The following PDCD6 variants were observed in gnomAD, a reference collection of about 807,000 sequenced individuals.
The protein encoded by PDCD6 is programmed cell death 6, also known as programmed cell death protein 6.
A neutral mutation model predicts 28.3 loss-of-function variants in PDCD6; 12 were observed. The observed-to-expected ratio is 0.42, with a 90% CI of 0.27 to 0.69. PDCD6 has a LOEUF of 0.69. Among genes scored for constraint, PDCD6 ranks in the 30% least tolerant of loss-of-function variants. The pLI, the probability that PDCD6 is intolerant of heterozygous loss-of-function variation, is 0.22. For synonymous variants in PDCD6, 92 were observed against 108.0 expected (o/e 0.85, Z 0.92); for missense variants, 226 against 269.9 (o/e 0.84, Z 1.14).
intron 2 of PDCD6, among the ~76,000 whole-genome samples, chr5:278,547 A>C (rs1187759414): frequency 3.1e-5 from 3 of 95,490 alleles, no homozygotes; most frequent in Non-Finnish European, 5.7e-5. Context: ...TGTCTCTCCC[A>C]AAAAAAAAAA....
At chr5:289,807 G>T in intron 2 of PDCD6, 1 of 1,199,920 alleles carries the variant, frequency 8.3e-7, no homozygotes, top group Non-Finnish European at 1.2e-6. Flanking sequence ...TGGTCTGGGT[G>T]TCCCAGGCCC....
At chr5:294,833 C>T (rs1171314186) in intron 2 of PDCD6, among the ~76,000 whole-genome samples, 1 of 152,170 alleles carries the variant, frequency 6.6e-6, no homozygotes, top group East Asian at 1.9e-4. Context: ...CGGATGCTTC[C>T]ACACAGGGGG....
chr5:271,997 A>G (rs565102770), intron 1 of PDCD6, among the ~76,000 whole-genome samples, 176 bp downstream of exon 1: 120 of 82,420 alleles, frequency 1.5e-3, no homozygotes, highest in Middle Eastern at 0.011. Context: ...CCCCTGCCCC[A>G]GCCGACGCGG....
At position 306,595 on chromosome 5, in the gene PDCD6, G is replaced by C. The variant is rs772143819; in HGVS notation, c.209-7G>C. On this transcript the variant is annotated splice_region_variant and splice_polypyrimidine_tract_variant and intron_variant, in intron 3 of 5. Transcript: ENST00000264933. ...TTTTGCTGCTTGACCGTTCCTCTCT[G>C]TCTCAGCCATGTTTGACCGTGAGAA... 1 of 1,612,952 alleles carries C rather than the reference G, an allele frequency of 6.2e-7. No homozygotes were observed. The highest frequency in any genetic ancestry group is 8.5e-7 in the Non-Finnish European group (1 of 1,179,412).
In PDCD6 at chr5:304,036, G is replaced by A. The variant is rs547189168; in HGVS notation, c.164-141G>A. ...CCCCCTCCCAGGAGTCATGGCAGCC[G>A]ACACGTCACCTGGAGTGTCTAGAAA... On this transcript the variant is annotated intron_variant, in intron 2 of 5. Coordinates refer to ENST00000264933, the MANE Select transcript of PDCD6 (RefSeq NM_013232.4). 9.1e-5 allele frequency: 105 copies of A among 1,149,234 alleles called. 1 individual carries two copies. Among genetic ancestry groups the A allele is most frequent in the Non-Finnish European group, 9.9e-5 (80 of 806,414 alleles). 71.2% of individuals were successfully genotyped at this position (1,149,234 alleles called of 1,614,324 possible).
intron 2 of PDCD6, chr5:288,788 A>G (rs950512046): frequency 3.9e-6 from 4 of 1,017,044 alleles, no homozygotes; most frequent in Admixed American, 3.2e-5. Flanking sequence ...ACGGCGTTAA[A>G]ACCAGAACTG....
chr5:288,292 T>TTATATATATA (rs1554006388), intron 2 of PDCD6, among the ~76,000 whole-genome samples: 1 of 107,110 alleles, frequency 9.3e-6, no homozygotes, highest in African/African-American at 2.8e-5. Flanking sequence ...AATATATATA[T>TTATATATATA]TATATATATA....
chr5:307,209 C>T lies in PDCD6; in HGVS notation c.367+449C>T, dbSNP rs1740560007. ...AAGGGGCGTTAGGCAGAACGCGTGC[C>T]CATTCTCAGGTGTGCTCGGCGTGTG... On this transcript the variant is annotated intron_variant, in intron 4 of 5. Coordinates refer to ENST00000264933, the MANE Select transcript of PDCD6 (RefSeq NM_013232.4). The surrounding 1 kb of genome is among the most constrained non-coding windows in gnomAD (Gnocchi z 6.1). 6.6e-6 allele frequency among the ~76,000 whole-genome samples: 1 copy of T among 151,352 alleles called. No individual in the cohort carries two copies. The highest frequency in any genetic ancestry group is 1.5e-5 in the Non-Finnish European group (1 of 68,010).
chr5:306,507 C>A, intron 3 of PDCD6, 95 bp from the exon 4 acceptor site: 3 of 1,366,772 alleles, frequency 2.2e-6, no homozygotes, highest in South Asian at 1.2e-5. Context: ...GCAGTGGGGC[C>A]CCGCCAGGCT....
chr5:293,119 C>T (rs893913958), intron 2 of PDCD6, among the ~76,000 whole-genome samples: 1 of 152,224 alleles, frequency 6.6e-6, no homozygotes, highest in Non-Finnish European at 1.5e-5. Context: ...CACAGGGCAT[C>T]CCGTCAACAT....
intron 2 of PDCD6, among the ~76,000 whole-genome samples, chr5:302,660 C>G (rs1480964425): frequency 5.7e-5 from 4 of 70,092 alleles, no homozygotes; most frequent in South Asian, 1.0e-3. Flanking sequence ...ACAGCTTCCC[C>G]GCATAACTGC....
At chr5:271,967 T>C in intron 1 of PDCD6, 146 bp downstream of exon 1, 1 of 401,324 alleles carries the variant, frequency 2.5e-6, no homozygotes, top group Non-Finnish European at 4.3e-6. Context: ...CCCCCTCCCG[T>C]CCCCTGCCGC....
chr5:276,330 C>T (rs1408535713), intron 2 of PDCD6: 9 of 1,077,898 alleles, frequency 8.3e-6, no homozygotes, highest in African/African-American at 6.7e-5. Flanking sequence ...TGGGGGCTCA[C>T]GTTTTCATAG....
At chr5:273,759 T>A (rs1353332791) in intron 2 of PDCD6, among the ~76,000 whole-genome samples, 1 of 152,130 alleles carries the variant, frequency 6.6e-6, no homozygotes, top group Non-Finnish European at 1.5e-5. Flanking sequence ...AGAGTAACAT[T>A]TTTACCTTAT....
intron 2 of PDCD6, 86 bp from the exon 3 acceptor site, chr5:304,091 C>A (rs1245571832): frequency 6.8e-7 from 1 of 1,478,938 alleles, no homozygotes; most frequent in Non-Finnish European, 9.2e-7. Flanking sequence ...CACTGCTTTT[C>A]CTGGTGCCTC....
At chr5:300,182 T>G (rs570107467) in intron 2 of PDCD6, among the ~76,000 whole-genome samples, 288 of 151,186 alleles carry the variant, frequency 1.9e-3, no homozygotes, top group African/African-American at 5.5e-3. Context: ...GAGAGAGACT[T>G]GAGCCATGTT....
At chr5:284,565 C>A (rs568455723) in intron 2 of PDCD6, among the ~76,000 whole-genome samples, 1 of 151,918 alleles carries the variant, frequency 6.6e-6, no homozygotes, top group African/African-American at 2.4e-5. Context: ...TGAGACCCAG[C>A]GGGAAGCTGA....
At chr5:290,076 C>T in intron 2 of PDCD6, 4 of 1,581,294 alleles carry the variant, frequency 2.5e-6, no homozygotes, top group Non-Finnish European at 2.6e-6. Context: ...TTCTTTCCTT[C>T]ATTTCATCAA....
chr5:290,696 A>AT (rs1739263326), intron 2 of PDCD6, among the ~76,000 whole-genome samples: 1 of 152,238 alleles, frequency 6.6e-6, no homozygotes, highest in Admixed American at 6.5e-5. Flanking sequence ...AGTTCTGGCA[A>AT]TTGAGTCCGT....
Sources: gnomAD v4.1 joint callset for allele counts (sites outside exome capture counted in the v4.1 genomes callset) on GRCh38, gnomAD v4.1.1 for gene constraint, Gnocchi (gnomAD v3.1) non-coding constraint, MANE v1.5 for transcripts, NCBI Gene and HGNC (gene_info 2026-07-23, HGNC 2026-07-21) for gene names.